The following CHSY3 variants were observed in gnomAD, a reference collection of about 807,000 sequenced individuals.
The protein encoded by CHSY3 is N-acetylgalactosaminyl-proteoglycan 3-beta-glucuronosyltransferase 3.
In CHSY3, 35 loss-of-function variants were observed where a neutral mutation model predicts 67.2. The observed-to-expected ratio is 0.52, with a 90% CI of 0.40 to 0.69. CHSY3 has a LOEUF of 0.69. Ranked by LOEUF, CHSY3 falls within the 30% of genes least tolerant of loss-of-function variation. The pLI is 0.00. For synonymous variants in CHSY3, 474 were observed against 434.7 expected (o/e 1.09, Z -1.12); for missense variants, 1,069 against 1,138.5 (o/e 0.94, Z 0.88).
chr5:130,083,703 A>G (rs1385269486), intron 2 of CHSY3, among the ~76,000 whole-genome samples: 3 of 152,030 alleles, frequency 2.0e-5, no homozygotes, highest in East Asian at 1.9e-4. Flanking sequence ...TCTAAAGTAC[A>G]TTATACTTCA....
intron 2 of CHSY3, among the ~76,000 whole-genome samples, chr5:130,081,299 C>CA (rs1387276678): frequency 2.9e-5 from 4 of 139,412 alleles, no homozygotes; most frequent in African/African-American, 1.1e-4. Flanking sequence ...AGAGGATTGT[C>CA]AGACAGGATA....
chr5:130,052,120 G>A (rs948172120), intron 2 of CHSY3: 1 of 152,150 alleles, frequency 6.6e-6, no homozygotes, highest in Non-Finnish European at 1.5e-5. Flanking sequence ...CACTGCCATA[G>A]ATGGTCATTC....
At chr5:130,029,805 A>C (rs1764655134) in intron 2 of CHSY3, among the ~76,000 whole-genome samples, 1 of 152,120 alleles carries the variant, frequency 6.6e-6, no homozygotes, top group Non-Finnish European at 1.5e-5. Context: ...CTGTGGGCAC[A>C]GAGACAGAAT....
chr5:130,035,588 A>T (rs145558607), intron 2 of CHSY3, among the ~76,000 whole-genome samples: 63 of 152,264 alleles, frequency 4.1e-4, no homozygotes, highest in South Asian at 3.7e-3. Context: ...TATGACACAC[A>T]TGCCTCAAGA....
chr5:129,984,189 G>C (rs1763103172), intron 2 of CHSY3, among the ~76,000 whole-genome samples: 1 of 151,974 alleles, frequency 6.6e-6, no homozygotes, highest in South Asian at 2.1e-4. Context: ...CTCCCAACCT[G>C]TACTCTCAAG....
chr5:130,181,704 T>C (rs935819812), intron 2 of CHSY3, among the ~76,000 whole-genome samples: 2 of 152,338 alleles, frequency 1.3e-5, no homozygotes, highest in South Asian at 4.1e-4. Context: ...AGCTTCCCTC[T>C]TCTTGATTCT....
rs532893511 is a variant in CHSY3 at position 130,121,880 on chromosome 5, G to C, written c.1087-62349G>C. Among the ~76,000 whole-genome samples, 10 of 152,182 alleles carry C rather than the reference G, an allele frequency of 6.6e-5. No individual in the cohort carries two copies. In the South Asian group the frequency reaches 2.1e-3, roughly 32 times the overall value. On this transcript the variant is annotated intron_variant, in intron 2 of 2. Coordinates refer to ENST00000305031, the MANE Select transcript of CHSY3 (RefSeq NM_175856.5). ...GGCATAATAGAACATGTAATGGGCT[G>C]ACCACCAGAGACTGGCCCTCCTGAT...
Position 130,095,917 on chromosome 5 carries a change from G to A in CHSY3, c.1087-88312G>A, listed in dbSNP as rs145203235. Among the ~76,000 whole-genome samples, 457 of 152,318 alleles carry A rather than the reference G, an allele frequency of 3.0e-3. 2 individuals carry two copies. The highest frequency in any genetic ancestry group is 0.01 in the African/African-American group (431 of 41,570). On this transcript the variant is annotated intron_variant, in intron 2 of 2. Transcript: ENST00000305031. ...ACGCACTGCGGAGACTACATCACCT[G>A]CGTGGTATCGTTCCAGATAATGCAT...
intron 2 of CHSY3, among the ~76,000 whole-genome samples, chr5:130,019,826 T>C (rs918589746): frequency 6.6e-6 from 1 of 152,196 alleles, no homozygotes; most frequent in Admixed American, 6.5e-5. Context: ...CTTTTACTTT[T>C]CACAAAACTA....
At chr5:130,133,329 T>C (rs1402147959) in intron 2 of CHSY3, among the ~76,000 whole-genome samples, 2 of 152,122 alleles carry the variant, frequency 1.3e-5, no homozygotes, top group Non-Finnish European at 2.9e-5. Flanking sequence ...GACCCCTTGG[T>C]GTGCATAGAT....
intron 2 of CHSY3, among the ~76,000 whole-genome samples, chr5:129,992,000 C>T (rs530115355): frequency 2.7e-4 from 41 of 152,226 alleles, no homozygotes; most frequent in African/African-American, 9.4e-4. Flanking sequence ...TTTCTCCATT[C>T]GCTTCTGTCC....
intron 2 of CHSY3, among the ~76,000 whole-genome samples, chr5:129,924,726 T>TA (rs1453488259): frequency 3.3e-5 from 5 of 152,070 alleles, no homozygotes; most frequent in Admixed American, 1.3e-4. Context: ...TCTTTTTTTT[T>TA]ACTTTAATGC....
rs568175681 is a variant in CHSY3, at chr5:129,939,985, A to T, written c.1086+31625A>T. Among the ~76,000 whole-genome samples the T allele has an allele frequency of 2.6e-5, 4 of 152,282 alleles. No homozygotes were observed. In the South Asian group the frequency reaches 8.3e-4, roughly 32 times the overall value. On this transcript the variant is annotated intron_variant, in intron 2 of 2. Transcript: ENST00000305031. ...ACTGTTTAAACAGTATGATTTCCAT[A>T]TATTATATTAGATTTTAAGAGTGAT...
intron 2 of CHSY3, among the ~76,000 whole-genome samples, chr5:129,934,151 A>G (rs1761411961): frequency 6.6e-6 from 1 of 152,172 alleles, no homozygotes; most frequent in African/African-American, 2.4e-5. Flanking sequence ...AAAATTTCAG[A>G]CAAAATTATA....
intron 2 of CHSY3, among the ~76,000 whole-genome samples, chr5:130,100,350 A>ATTTT (rs3065055): frequency 3.0e-5 from 4 of 131,684 alleles, no homozygotes; most frequent in African/African-American, 1.1e-4. Flanking sequence ...ATGCTTGGCT[A>ATTTT]TTTTTTTTTT....
intron 2 of CHSY3, among the ~76,000 whole-genome samples, chr5:129,980,561 G>A (rs565390535): frequency 6.6e-6 from 1 of 152,166 alleles, no homozygotes; most frequent in Non-Finnish European, 1.5e-5. Flanking sequence ...CTCCCAGTAT[G>A]TGACTTGTCA....
intron 2 of CHSY3, among the ~76,000 whole-genome samples, chr5:129,930,136 C>T (rs530386954): frequency 2.8e-4 from 43 of 152,086 alleles, no homozygotes; most frequent in African/African-American, 1.0e-3. Flanking sequence ...GAGTTGAGAC[C>T]ATCCTGGCCA....
intron 2 of CHSY3, among the ~76,000 whole-genome samples, chr5:130,125,452 T>TAGATAGATAGATAGATAGATAGATAGAC (rs1200470666): frequency 2.6e-4 from 39 of 151,914 alleles, no homozygotes; most frequent in African/African-American, 9.4e-4. Flanking sequence ...GATAGATAGA[T>TAGATAGATAGATAGATAGATAGATAGAC]AGACAGACAG....
chr5:129,949,060 T>C (rs1761947831), intron 2 of CHSY3, among the ~76,000 whole-genome samples: 1 of 152,188 alleles, frequency 6.6e-6, no homozygotes, highest in African/African-American at 2.4e-5. Flanking sequence ...AGCTTTTTAA[T>C]GATAAAAGGA....
Sources: allele counts gnomAD v4.1 joint callset (sites outside exome capture counted in the v4.1 genomes callset), GRCh38; gene constraint gnomAD v4.1.1; transcripts MANE v1.5; gene names NCBI Gene and HGNC (gene_info 2026-07-23, HGNC 2026-07-21).